The following ANOS1 variants were observed in gnomAD, a reference collection of about 807,000 sequenced individuals.
ANOS1 encodes the protein anosmin 1.
ANOS1 carries 6 observed loss-of-function variants against 59.0 expected under a neutral mutation model. The ratio of observed to expected loss-of-function variants is 0.10; its 90% confidence interval spans 0.06 to 0.20. ANOS1 has a LOEUF of 0.20. Ranked by LOEUF, ANOS1 falls within the 10% of genes least tolerant of loss-of-function variation. The pLI is 1.00. For synonymous variants in ANOS1, 217 were observed against 223.4 expected, an observed-to-expected ratio of 0.97 and a Z score of 0.25; for missense variants, 433 against 542.3, an observed-to-expected ratio of 0.80 and a Z score of 2.00.
chrX:8,690,457 A>G (rs1334796639), intron 2 of ANOS1, among the ~76,000 whole-genome samples: 1 of 112,072 alleles, frequency 8.9e-6, no homozygotes, highest in Non-Finnish European at 1.9e-5. Context: ...TAAAATTTTG[A>G]TCCACTACAT....
chrX:8,610,021 A>C (rs1430833498), intron 3 of ANOS1, among the ~76,000 whole-genome samples: 1 of 87,926 alleles, frequency 1.1e-5, no homozygotes, highest in African/African-American at 4.2e-5. Flanking sequence ...AAAAAAAAAA[A>C]AAAAAAAAAA....
intron 2 of ANOS1, among the ~76,000 whole-genome samples, chrX:8,627,567 T>C (rs1259001891): frequency 8.9e-6 from 1 of 111,880 alleles, no homozygotes; most frequent in Non-Finnish European, 1.9e-5. Context: ...ATCAGCAGTA[T>C]CTAAAGACAT....
intron 4 of ANOS1, among the ~76,000 whole-genome samples, chrX:8,592,215 C>A (rs1332225995): frequency 8.9e-6 from 1 of 111,761 alleles, no homozygotes; most frequent in Non-Finnish European, 1.9e-5. Flanking sequence ...TACTTGATAT[C>A]TCTCATAAAG....
intron 6 of ANOS1, among the ~76,000 whole-genome samples, chrX:8,574,047 A>G (rs1312330855): frequency 9.1e-6 from 1 of 110,242 alleles, no homozygotes; most frequent in African/African-American, 3.3e-5. Context: ...TAGGGTAAAA[A>G]CCCAGGAGTC....
intron 2 of ANOS1, among the ~76,000 whole-genome samples, chrX:8,672,155 CACATGCACAT>C (rs1166363674): frequency 4.6e-5 from 5 of 108,614 alleles, no homozygotes; most frequent in African/African-American, 1.7e-4. Context: ...TACATATACA[CACATGCACAT>C]ACACACACAC....
At chrX:8,702,495 G>C (rs1932762022) in intron 1 of ANOS1, among the ~76,000 whole-genome samples, 1 of 111,843 alleles carries the variant, frequency 8.9e-6, no homozygotes, top group African/African-American at 3.3e-5. Flanking sequence ...GCTGGGGGCT[G>C]GGGCAGGGCA....
In ANOS1 at chrX:8,624,079, G is replaced by A. The variant is rs1470805650; in HGVS notation, c.256-409C>T. Among the ~76,000 whole-genome samples, 3 of 98,746 alleles carry A rather than the reference G, an allele frequency of 3.0e-5. No individual in the cohort carries two copies. The Admixed American group carries it at 3.5e-4, about 12-fold the overall frequency. The allele number at this position is 98,746 out of a possible 115,157, so 85.7% of individuals were successfully genotyped here. Reference sequence around the variant, plus strand: ...TCCCTAGGCTGGAGTGTGATGGGGCGATCTCGGCTCACTGCAACCTCCACC... The same window carrying A: ...TCCCTAGGCTGGAGTGTGATGGGGCAATCTCGGCTCACTGCAACCTCCACC... On this transcript the variant is annotated intron_variant, in intron 2 of 13. Transcript: ENST00000262648.
intron 1 of ANOS1, among the ~76,000 whole-genome samples, chrX:8,702,250 G>A (rs1347193211): frequency 8.9e-6 from 1 of 112,191 alleles, no homozygotes; most frequent in Non-Finnish European, 1.9e-5. Flanking sequence ...TAATTAGATT[G>A]GGCAGAGGCC....
intron 2 of ANOS1, among the ~76,000 whole-genome samples, chrX:8,694,390 C>T (rs1319553589): frequency 1.8e-5 from 2 of 112,507 alleles, no homozygotes; most frequent in Non-Finnish European, 3.8e-5. Flanking sequence ...AGTAATAGGT[C>T]GGGCATGGTG....
chrX:8,651,993 A>G (rs929959265), intron 2 of ANOS1, among the ~76,000 whole-genome samples: 1 of 111,714 alleles, frequency 9.0e-6, no homozygotes, highest in Non-Finnish European at 1.9e-5. Context: ...CACCCAGGCT[A>G]CAGTGTAGTG....
intron 2 of ANOS1, among the ~76,000 whole-genome samples, chrX:8,671,689 T>C (rs904865746): frequency 1.7e-4 from 18 of 108,428 alleles, no homozygotes; most frequent in Admixed American, 6.1e-4. Flanking sequence ...TATACAATAG[T>C]ATAGTATATA....
intron 3 of ANOS1, among the ~76,000 whole-genome samples, chrX:8,619,335 G>C (rs1370136830): frequency 9.0e-6 from 1 of 111,642 alleles, no homozygotes; most frequent in Non-Finnish European, 1.9e-5. Flanking sequence ...GCCGGGCAAG[G>C]TGGCTCACGC....
intron 4 of ANOS1, among the ~76,000 whole-genome samples, chrX:8,591,012 C>G (rs138837073): frequency 9.0e-6 from 1 of 111,515 alleles, no homozygotes; most frequent in Non-Finnish European, 1.9e-5. Context: ...CAAGATAGAA[C>G]GTTTTTATTA....
Position 8,535,697 on chromosome X carries a change from T to C in ANOS1, c.1736A>G (p.Tyr579Cys). Residue 579 changes from tyrosine to cysteine, a missense_variant, in exon 12 of 14, where the codon TAT (tyrosine) becomes TGT (cysteine). Physicochemically the swap from Tyr to Cys is radical, Grantham distance 194. Transcript: ENST00000262648. ...CACTTGAAACCCAGTCATGGGCTGATAGAGATTGGCCTTGGCCATCTTCCA... is the reference window on the plus strand; with the variant it reads ...CACTTGAAACCCAGTCATGGGCTGACAGAGATTGGCCTTGGCCATCTTCCA... ...FSWKMAKANL[Y>C]QPMTGFQVTW... 3.3e-6 allele frequency: 4 copies of C among 1,210,951 alleles called. No homozygotes were observed. Among genetic ancestry groups the C allele is most frequent in the South Asian group, 1.8e-5 (1 of 57,007 alleles).
chrX:8,702,039 C>T (rs1932759301), intron 1 of ANOS1, among the ~76,000 whole-genome samples: 1 of 111,279 alleles, frequency 9.0e-6, no homozygotes, highest in African/African-American at 3.3e-5. Flanking sequence ...CCAATAATTC[C>T]TACACATTCT....
At chrX:8,559,346 T>TC (rs1929996112) in intron 8 of ANOS1, among the ~76,000 whole-genome samples, 1 of 35,519 alleles carries the variant, frequency 2.8e-5, no homozygotes, top group East Asian at 2.2e-3. Flanking sequence ...AACTTTTTTT[T>TC]CCCTATTGTC....
At chrX:8,677,155 T>C (rs1932349437) in intron 2 of ANOS1, among the ~76,000 whole-genome samples, 1 of 111,182 alleles carries the variant, frequency 9.0e-6, no homozygotes, top group Non-Finnish European at 1.9e-5. Flanking sequence ...ACTGTTGACA[T>C]ATTGGGCCGA....
intron 1 of ANOS1, among the ~76,000 whole-genome samples, chrX:8,729,302 G>A (rs750306777): frequency 7.3e-5 from 8 of 109,845 alleles, no homozygotes; most frequent in African/African-American, 2.0e-4. Flanking sequence ...AGTTGGGGGC[G>A]GGGGTGACCC....
At chrX:8,653,293 C>T (rs1931878765) in intron 2 of ANOS1, among the ~76,000 whole-genome samples, 1 of 111,462 alleles carries the variant, frequency 9.0e-6, no homozygotes, top group African/African-American at 3.3e-5. Context: ...TTGGTCATCT[C>T]GGGGTGAAAG....
Sources: allele counts gnomAD v4.1 joint callset (sites outside exome capture counted in the v4.1 genomes callset), GRCh38; gene constraint gnomAD v4.1.1; transcripts MANE v1.5; gene names NCBI Gene and HGNC (gene_info 2026-07-23, HGNC 2026-07-21).